ARHGEF4: variants seen among roughly 807,000 people sequenced by gnomAD.
The protein encoded by ARHGEF4 is APC-stimulated guanine nucleotide exchange factor 1.
In ARHGEF4, 119 loss-of-function variants were observed where a neutral mutation model predicts 162.0. That is an observed-to-expected ratio of 0.73 (90% CI 0.63 to 0.86). ARHGEF4 has a LOEUF of 0.86. Ranked by LOEUF, ARHGEF4 falls within the 40% of genes least tolerant of loss-of-function variation. The probability of loss-of-function intolerance (pLI) is 0.00; values close to 1 mark genes in which losing one functional copy is unlikely to be tolerated. For synonymous variants in ARHGEF4, 1,014 were observed against 979.9 expected, an observed-to-expected ratio of 1.03 and a Z score of -0.65; for missense variants, 2,488 against 2,456.0, an observed-to-expected ratio of 1.01 and a Z score of -0.28.
At chr2:130,928,330 G>C (rs1194545838) in intron 2 of ARHGEF4, among the ~76,000 whole-genome samples, 3 of 152,178 alleles carry the variant, frequency 2.0e-5, no homozygotes, top group South Asian at 2.1e-4. Context: ...GATTATACCG[G>C]GAAAGAATGA....
chr2:130,999,815 G>T (rs1027939812), intron 4 of ARHGEF4, among the ~76,000 whole-genome samples: 14 of 152,304 alleles, frequency 9.2e-5, no homozygotes, highest in African/African-American at 3.4e-4. Flanking sequence ...CGATTCCCCT[G>T]CCTCAGCCTC....
chr2:130,988,901 T>TATATATATATATATAGAGAG (rs1469212068), intron 4 of ARHGEF4, among the ~76,000 whole-genome samples: 2 of 113,366 alleles, frequency 1.8e-5, no homozygotes, highest in Non-Finnish European at 3.4e-5. Flanking sequence ...TATATATATA[T>TATATATATATATATAGAGAG]AGAGAGAGAG....
At chr2:130,905,442 A>G (rs1468319413) in intron 1 of ARHGEF4, among the ~76,000 whole-genome samples, 1 of 152,146 alleles carries the variant, frequency 6.6e-6, no homozygotes, top group African/African-American at 2.4e-5. Flanking sequence ...ATAATTTAGC[A>G]TTCATTAGTA....
chr2:130,894,238 T>C (rs112849814), intron 1 of ARHGEF4, among the ~76,000 whole-genome samples: 1,707 of 152,270 alleles, frequency 0.011, 32 homozygotes, highest in African/African-American at 0.037. Context: ...AGGGTGAAGA[T>C]ATTCTGGATG....
Position 130,990,320 on chromosome 2 carries a change from A to G in ARHGEF4, c.3986-37625A>G, listed in dbSNP as rs901472585. Reference sequence around the variant, plus strand: ...GCATAGAAGTGTTTTGGGCATTGGTAAAAAAGAAAAAAGAATTGAAAAGTT... The same window carrying G: ...GCATAGAAGTGTTTTGGGCATTGGTGAAAAAGAAAAAAGAATTGAAAAGTT... On this transcript the variant is annotated intron_variant, in intron 4 of 13. Coordinates refer to ENST00000409359, the MANE Select transcript of ARHGEF4 (RefSeq NM_001367493.1). Among the ~76,000 whole-genome samples, 13 of 152,286 alleles carry G rather than the reference A, an allele frequency of 8.5e-5. No individual in the cohort carries two copies. In the East Asian group the frequency reaches 2.3e-3, roughly 27 times the overall value.
At chr2:130,967,588 G>A (rs1203943438) in intron 4 of ARHGEF4, among the ~76,000 whole-genome samples, 7 of 152,142 alleles carry the variant, frequency 4.6e-5, no homozygotes, top group South Asian at 2.1e-4. Flanking sequence ...GCATGCATCC[G>A]CAGGCAAGGC....
At position 130,916,972 on chromosome 2, in the gene ARHGEF4, C is replaced by G; in HGVS notation, c.3026C>G (p.Ala1009Gly). 2 of 1,550,920 alleles carry G rather than the reference C, an allele frequency of 1.3e-6. No homozygotes were observed. Reference sequence around the variant, plus strand: ...AGCGATCACTGGGCACCCCCACTTGCCTCCACACCTTTGTCCTCCAGTTTA... The same window carrying G: ...AGCGATCACTGGGCACCCCCACTTGGCTCCACACCTTTGTCCTCCAGTTTA... ...VFSDHWAPPL[A>G]STPLSSSLVS... The change falls in exon 2 of 14, where the codon GCC (alanine) becomes GGC (glycine). Residue 1009 changes from alanine (A) to glycine (G), a missense_variant. Around this residue, in one of 6 missense-constraint regions of ARHGEF4, gnomAD observed 1,642 missense variants for 1,481.5 expected, o/e 1.11. Transcript: ENST00000409359.
intron 1 of ARHGEF4, among the ~76,000 whole-genome samples, chr2:130,844,820 A>G (rs1680839604): frequency 1.3e-5 from 2 of 151,776 alleles, no homozygotes; most frequent in South Asian, 2.1e-4. Flanking sequence ...AAATATATAT[A>G]TATGTATATA....
At chr2:130,910,187 CA>C (rs1161919091) in intron 1 of ARHGEF4, among the ~76,000 whole-genome samples, 1 of 151,876 alleles carries the variant, frequency 6.6e-6, no homozygotes, top group Non-Finnish European at 1.5e-5. Flanking sequence ...ACATGTACCC[CA>C]GAACTTAAGG....
At chr2:130,854,845 CTTTT>C (rs1559002480) in intron 1 of ARHGEF4, among the ~76,000 whole-genome samples, 1 of 107,530 alleles carries the variant, frequency 9.3e-6, no homozygotes, top group Non-Finnish European at 2.0e-5. Context: ...AGGAGTCTGA[CTTTT>C]ATTTATTTAT....
intron 1 of ARHGEF4, among the ~76,000 whole-genome samples, chr2:130,868,367 A>G (rs1416340283): frequency 6.9e-6 from 1 of 143,926 alleles, no homozygotes; most frequent in Non-Finnish European, 1.5e-5. Context: ...CCAGCTGGAC[A>G]TGGGGGTTGG....
intron 1 of ARHGEF4, among the ~76,000 whole-genome samples, chr2:130,888,878 A>G (rs1379221437): frequency 6.6e-6 from 1 of 152,016 alleles, no homozygotes; most frequent in Non-Finnish European, 1.5e-5. Flanking sequence ...AGGCAGGTGG[A>G]TCACCTGAGG....
At chr2:130,902,509 G>A (rs573411830) in intron 1 of ARHGEF4, among the ~76,000 whole-genome samples, 3 of 152,102 alleles carry the variant, frequency 2.0e-5, no homozygotes, top group Admixed American at 6.5e-5. Context: ...TGGGAGAATC[G>A]CTTGAACCTG....
At chr2:131,032,057 C>A (rs59087954) in intron 5 of ARHGEF4, among the ~76,000 whole-genome samples, 1 of 152,132 alleles carries the variant, frequency 6.6e-6, no homozygotes, top group South Asian at 2.1e-4. Context: ...TGAACAGCAG[C>A]CTGTCCCCTG....
chr2:130,846,441 A>G (rs1680968681), intron 1 of ARHGEF4, among the ~76,000 whole-genome samples: 2 of 152,180 alleles, frequency 1.3e-5, no homozygotes, highest in South Asian at 4.1e-4. Context: ...GCTGTGTAGC[A>G]TAAGCCAGTC....
intron 4 of ARHGEF4, among the ~76,000 whole-genome samples, chr2:130,954,170 T>C (rs1448109990): frequency 3.9e-5 from 6 of 152,156 alleles, no homozygotes; most frequent in Admixed American, 3.9e-4. Context: ...CTGTCAGTAA[T>C]AGACTGGATT....
At chr2:130,934,633 C>T (rs1682832714) in intron 3 of ARHGEF4, among the ~76,000 whole-genome samples, 1 of 152,194 alleles carries the variant, frequency 6.6e-6, no homozygotes, top group South Asian at 2.1e-4. Flanking sequence ...ACCTCCACCT[C>T]CTGGGTTCAG....
chr2:130,914,243 A>G lies in ARHGEF4; in HGVS notation c.297A>G (p.Ile99Met), dbSNP rs1224197867. 1 of 1,535,364 alleles carries G rather than the reference A, an allele frequency of 6.5e-7. No homozygotes were observed. ...FHPLRGTPVD[I>M]EAPWEYPDVS... Reference sequence around the variant, plus strand: ...CTCTAAGAGGTACTCCCGTAGATATAGAAGCACCTTGGGAATACCCTGATG... The same window carrying G: ...CTCTAAGAGGTACTCCCGTAGATATGGAAGCACCTTGGGAATACCCTGATG... The change falls in exon 2 of 14, where the codon ATA becomes ATG. Residue 99 changes from isoleucine (I) to methionine (M), a missense_variant. By Grantham distance (10) the Ile-to-Met change is conservative. Transcript: ENST00000409359.
rs1186569121 is a variant in ARHGEF4, at chr2:130,916,181, G to T, written c.2235G>T (p.Gly745=). The T allele has an allele frequency of 6.5e-7, 1 of 1,548,380 alleles. No individual in the cohort carries two copies. Among genetic ancestry groups the T allele is most frequent in the African/African-American group, 1.4e-5 (1 of 72,998 alleles). Residue 745 remains glycine, a synonymous_variant, in exon 2 of 14, where the codon GGG becomes GGT. Coordinates refer to ENST00000409359, the MANE Select transcript of ARHGEF4 (RefSeq NM_001367493.1). ...ERLRGESRSS[G]SGERGPEEAP... is the part of the protein sequence containing the mutation. ...TGCGTGGGGAGAGCCGGAGCTCCGG[G>T]TCAGGGGAGCGTGGCCCGGAGGAGG... is the stretch of plus-strand genomic sequence containing the variant.
Sources: allele counts gnomAD v4.1 joint callset (sites outside exome capture counted in the v4.1 genomes callset), GRCh38; gene constraint gnomAD v4.1.1; regional missense constraint gnomAD v4.1.1; transcripts MANE v1.5; gene names NCBI Gene and HGNC (gene_info 2026-07-23, HGNC 2026-07-21).